The following RBM47 variants were observed in gnomAD, a reference collection of about 807,000 sequenced individuals.
RBM47 encodes RNA binding motif protein 47.
A neutral mutation model predicts 47.1 loss-of-function variants in RBM47; 21 were observed. The observed-to-expected ratio is 0.45, with a 90% CI of 0.32 to 0.64. The LOEUF (loss-of-function observed/expected upper bound fraction) is 0.64, where lower values mean the gene tolerates loss of function less well. Ranked by LOEUF, RBM47 falls within the 30% of genes least tolerant of loss-of-function variation. The pLI is 0.05. For synonymous variants in RBM47, 375 were observed against 361.7 expected, an observed-to-expected ratio of 1.04 and a Z score of -0.42; for missense variants, 708 against 870.9, an observed-to-expected ratio of 0.81 and a Z score of 2.35.
At chr4:40,478,898 C>T (rs1214899020) in intron 2 of RBM47, among the ~76,000 whole-genome samples, 2 of 152,182 alleles carry the variant, frequency 1.3e-5, no homozygotes, top group East Asian at 3.8e-4. Context: ...ATATTTGACA[C>T]TATTTAGAAT....
At chr4:40,588,113 A>G (rs1374566815) in intron 1 of RBM47, among the ~76,000 whole-genome samples, 4 of 152,212 alleles carry the variant, frequency 2.6e-5, no homozygotes, top group African/African-American at 7.2e-5. Context: ...GGTGCAGCCA[A>G]AGACAGTTGC....
At chr4:40,488,506 C>A (rs1161641800) in intron 2 of RBM47, among the ~76,000 whole-genome samples, 1 of 152,140 alleles carries the variant, frequency 6.6e-6, no homozygotes, top group Non-Finnish European at 1.5e-5. Flanking sequence ...CTCATATCAT[C>A]ATTGTAATAT....
intron 3 of RBM47, among the ~76,000 whole-genome samples, chr4:40,454,901 A>C (rs1049256158): frequency 6.6e-6 from 1 of 152,230 alleles, no homozygotes; most frequent in Non-Finnish European, 1.5e-5. Context: ...AGCTCTTTCT[A>C]CCATGATACT....
chr4:40,437,090 A>AAAAAAAAAAAAAAAAATATATATATATAT (rs1256296949), intron 4 of RBM47, among the ~76,000 whole-genome samples: 1 of 49,852 alleles, frequency 2.0e-5, no homozygotes. Flanking sequence ...AAAAAAAAAA[A>AAAAAAAAAAAAAAAAATATATATATATAT]ATATATATAT....
At chr4:40,433,373 T>C (rs3821983) in intron 5 of RBM47, among the ~76,000 whole-genome samples, 88,358 of 151,964 alleles carry the variant, frequency 0.58, 28,174 homozygotes, top group South Asian at 0.78. Flanking sequence ...AAGGGATGGG[T>C]GGTGGCAGGT....
chr4:40,576,255 T>TGG (rs1347085099), intron 1 of RBM47, among the ~76,000 whole-genome samples: 187 of 61,192 alleles, frequency 3.1e-3, no homozygotes, highest in African/African-American at 7.4e-3. Flanking sequence ...TTTTTTTTTT[T>TGG]TGGGGGGGGG....
chr4:40,606,639 C>T (rs1447455628), intron 1 of RBM47, among the ~76,000 whole-genome samples: 1 of 152,102 alleles, frequency 6.6e-6, no homozygotes, highest in Non-Finnish European at 1.5e-5. Context: ...TCTGGCTCTC[C>T]ACTTGCTGGC....
intron 1 of RBM47, among the ~76,000 whole-genome samples, chr4:40,546,777 G>C (rs993597935): frequency 6.6e-6 from 1 of 152,150 alleles, no homozygotes; most frequent in African/African-American, 2.4e-5. Flanking sequence ...GGGTAATAAA[G>C]GACCTGGCTG....
chr4:40,438,950 T>A, intron 3 of RBM47, 26 bp from the exon 4 acceptor site: 1 of 1,466,220 alleles, frequency 6.8e-7, no homozygotes, highest in Non-Finnish European at 9.0e-7. Flanking sequence ...GAAGCGTGAG[T>A]GGGGAACCGC....
chr4:40,544,231 G>A (rs967728586), intron 2 of RBM47, 191 bp downstream of exon 2: 1 of 152,136 alleles, frequency 6.6e-6, no homozygotes, highest in African/African-American at 2.4e-5. Flanking sequence ...GGACATTTGT[G>A]CTTACAAACA....
intron 1 of RBM47, among the ~76,000 whole-genome samples, chr4:40,548,275 C>T (rs1329196574): frequency 6.6e-6 from 1 of 152,162 alleles, no homozygotes; most frequent in Non-Finnish European, 1.5e-5. Context: ...GGTGCAGGGA[C>T]ATAAGAGCGT....
intron 3 of RBM47, among the ~76,000 whole-genome samples, chr4:40,443,586 A>G (rs943770558): frequency 1.3e-5 from 2 of 151,748 alleles, no homozygotes; most frequent in African/African-American, 2.4e-5. Flanking sequence ...GCGTGGTGGC[A>G]CATGCCTGTA....
intron 2 of RBM47, among the ~76,000 whole-genome samples, chr4:40,534,334 A>G (rs1727708908): frequency 6.6e-6 from 1 of 152,050 alleles, no homozygotes; most frequent in Non-Finnish European, 1.5e-5. Flanking sequence ...GAGAAAAAAC[A>G]GTTCAAGGGA....
At chr4:40,576,153 T>C (rs188805251) in intron 1 of RBM47, among the ~76,000 whole-genome samples, 67 of 152,130 alleles carry the variant, frequency 4.4e-4, no homozygotes, top group African/African-American at 1.6e-3. Context: ...ATGCATTCCT[T>C]GAGAAAGGAT....
intron 1 of RBM47, among the ~76,000 whole-genome samples, chr4:40,615,430 T>C (rs1445003468): frequency 6.6e-6 from 1 of 151,694 alleles, no homozygotes; most frequent in Admixed American, 6.6e-5. Flanking sequence ...ATGACAAAAG[T>C]AAGTACTGTT....
chr4:40,553,753 C>T (rs1408995032), intron 1 of RBM47, among the ~76,000 whole-genome samples: 1 of 152,094 alleles, frequency 6.6e-6, no homozygotes, highest in Admixed American at 6.6e-5. Context: ...AATAAAATAT[C>T]CCCTGGTTGG....
At chr4:40,570,328 T>A (rs1414961898) in intron 1 of RBM47, among the ~76,000 whole-genome samples, 2 of 151,854 alleles carry the variant, frequency 1.3e-5, no homozygotes, top group South Asian at 4.1e-4. Context: ...TTCTTGCAAC[T>A]AGATGGTCCC....
At chr4:40,601,111 C>T (rs946014874) in intron 1 of RBM47, among the ~76,000 whole-genome samples, 4 of 151,936 alleles carry the variant, frequency 2.6e-5, no homozygotes, top group Non-Finnish European at 5.9e-5. Context: ...AAGGCCAGGA[C>T]GGAAGCAATG....
At chr4:40,615,148 TAAGAA>T (rs1410431009) in intron 1 of RBM47, among the ~76,000 whole-genome samples, 2 of 151,756 alleles carry the variant, frequency 1.3e-5, no homozygotes, top group Admixed American at 1.3e-4. Flanking sequence ...ATAATAAAAA[TAAGAA>T]ACCATGCATG....
Sources: allele counts gnomAD v4.1 joint callset (sites outside exome capture counted in the v4.1 genomes callset), GRCh38; gene constraint gnomAD v4.1.1; transcripts MANE v1.5; gene names NCBI Gene and HGNC (gene_info 2026-07-23, HGNC 2026-07-21).